FBXO21: variants seen among roughly 807,000 people sequenced by gnomAD.
FBXO21 encodes F-box only protein 21.
A neutral mutation model predicts 76.6 loss-of-function variants in FBXO21; 32 were observed. That is an observed-to-expected ratio of 0.42 (90% confidence interval 0.32 to 0.56). FBXO21 has a LOEUF of 0.56. FBXO21 is among the 20% of genes least tolerant of loss of function. The pLI is 0.16. For missense variants in FBXO21, 586 were observed against 797.3 expected (o/e 0.73, Z 3.19); for synonymous variants, 328 against 311.5 (o/e 1.05, Z -0.56).
rs1173298802 is a variant in FBXO21, at chr12:117,174,817, A to G, written c.593-20T>C. 3 of 1,605,434 alleles carry G rather than the reference A, an allele frequency of 1.9e-6. No homozygotes were observed. In the African/African-American group the frequency reaches 4.0e-5, roughly 21 times the overall value. ...CAGCACCTGAAAATGAACAAGAATT[A>G]CCGAATAAATTCTCACGTTACCCTT... On this transcript the variant is annotated intron_variant, in intron 4 of 11. Transcript: ENST00000622495.
rs1311972517 is a variant in FBXO21, at chr12:117,142,553, G to A, written c.*3534C>T. Reference sequence around the variant, plus strand: ...CAAAGACTTTATTAGGCCAGTGCCCGGCTCAAAGTTAGCATGCCACACAAA... The same window carrying A: ...CAAAGACTTTATTAGGCCAGTGCCCAGCTCAAAGTTAGCATGCCACACAAA... On this transcript the variant is annotated 3_prime_UTR_variant, in exon 12 of 12. Transcript: ENST00000622495. The A allele has an allele frequency of 5.3e-5, 8 of 151,896 alleles. No individual in the cohort carries two copies. Among genetic ancestry groups the A allele is most frequent in the Non-Finnish European group, 1.0e-4 (7 of 68,012 alleles). The allele number at this position is 151,896 out of a possible 1,614,324, so 9.4% of individuals were successfully genotyped here.
At chr12:117,148,001 T>G (rs1955797894) in intron 11 of FBXO21, among the ~76,000 whole-genome samples, 1 of 152,216 alleles carries the variant, frequency 6.6e-6, no homozygotes, top group Non-Finnish European at 1.5e-5. Flanking sequence ...CTATTATTTC[T>G]TAAACAGCTG....
rs563466176 is a variant in FBXO21 at position 117,147,287 on chromosome 12, A to T, written c.1676-1010T>A. ...AGAAATAGAAAATAAGACTGAAAAA[A>T]TGGAAAAAAAAAAAAAAAAAGAAAA... On this transcript the variant is annotated intron_variant, in intron 11 of 11. Coordinates refer to ENST00000622495, the MANE Select transcript of FBXO21 (RefSeq NM_015002.3). 1.2e-3 allele frequency among the ~76,000 whole-genome samples: 143 copies of T among 123,164 alleles called. 2 individuals are homozygous for T. Among genetic ancestry groups the T allele is most frequent in the African/African-American group, 4.7e-3 (139 of 29,622 alleles). 80.8% of individuals were successfully genotyped at this position (123,164 alleles called of 152,430 possible).
chr12:117,169,731 T>TA (rs1956097407), intron 7 of FBXO21, among the ~76,000 whole-genome samples: 1 of 152,296 alleles, frequency 6.6e-6, no homozygotes, highest in African/African-American at 2.4e-5. Context: ...GGCCTTGAAC[T>TA]ACTGGGCTCA....
chr12:117,151,231 G>C (rs1955839007), intron 11 of FBXO21, among the ~76,000 whole-genome samples: 1 of 152,110 alleles, frequency 6.6e-6, no homozygotes, highest in Non-Finnish European at 1.5e-5. Flanking sequence ...TCCAGAAGGA[G>C]GCGGGACAGG....
At chr12:117,173,993 A>G (rs1956145817) in intron 6 of FBXO21, among the ~76,000 whole-genome samples, 1 of 152,104 alleles carries the variant, frequency 6.6e-6, no homozygotes, top group Non-Finnish European at 1.5e-5. Context: ...AAAATAAAAA[A>G]TTAGCCGGGT....
At chr12:117,161,546 G>A (rs1431827016) in intron 9 of FBXO21, among the ~76,000 whole-genome samples, 1 of 152,172 alleles carries the variant, frequency 6.6e-6, no homozygotes, top group Non-Finnish European at 1.5e-5. Context: ...TCAGAGTCCA[G>A]AGAGGGAGGA....
In FBXO21 at chr12:117,174,185, A is replaced by G; in HGVS notation, c.876+20T>C. ...TATACCTATATTACTATACCCATAT[A>G]TTACTGTACCTATATTTACCTGATG... On this transcript the variant is annotated intron_variant, in intron 6 of 11. Coordinates refer to ENST00000622495, the MANE Select transcript of FBXO21 (RefSeq NM_015002.3). 2 of 1,587,632 alleles carry G rather than the reference A, an allele frequency of 1.3e-6. No homozygotes were observed. Among genetic ancestry groups the G allele is most frequent in the South Asian group, 2.2e-5 (2 of 90,538 alleles).
At position 117,145,236 on chromosome 12, in the gene FBXO21, T is replaced by C. The variant is rs947723300; in HGVS notation, c.*851A>G. 6 of 152,064 alleles carry C rather than the reference T, an allele frequency of 3.9e-5. No homozygotes were observed. Among genetic ancestry groups the C allele is most frequent in the African/African-American group, 7.2e-5 (3 of 41,416 alleles). The allele number at this position is 152,064 out of a possible 1,614,324, so 9.4% of individuals were successfully genotyped here. A position where few individuals can be genotyped will look rare whatever the true frequency, so the allele number is the denominator to read the frequency against. On this transcript the variant is annotated 3_prime_UTR_variant, in exon 12 of 12. Coordinates refer to ENST00000622495, the MANE Select transcript of FBXO21 (RefSeq NM_015002.3). ...AACCCATCACTGATGTAAGACCTAC[T>C]CATGATACTGAAGTAGATTTTTTAA...
intron 11 of FBXO21, among the ~76,000 whole-genome samples, chr12:117,148,195 G>T (rs1268760959): frequency 2.6e-5 from 4 of 152,144 alleles, no homozygotes; most frequent in African/African-American, 9.7e-5. Context: ...AGGAGCTGAA[G>T]AAATGTGAGA....
At chr12:117,148,369 A>G (rs1029319359) in intron 11 of FBXO21, among the ~76,000 whole-genome samples, 1 of 152,244 alleles carries the variant, frequency 6.6e-6, no homozygotes, top group African/African-American at 2.4e-5. Flanking sequence ...AGAGCAGTGT[A>G]AACGTCCAAG....
intron 3 of FBXO21, 46 bp downstream of exon 3, chr12:117,186,431 C>G: frequency 1.6e-6 from 2 of 1,268,576 alleles, no homozygotes; most frequent in Non-Finnish European, 2.3e-6. Flanking sequence ...GCAATTTACT[C>G]TGGACTTATT....
At chr12:117,148,822 C>T (rs950320878) in intron 11 of FBXO21, among the ~76,000 whole-genome samples, 3 of 152,196 alleles carry the variant, frequency 2.0e-5, no homozygotes, top group African/African-American at 7.2e-5. Context: ...CGCTCCAGCC[C>T]ACATTAACAC....
At chr12:117,167,643 AGG>A (rs1244570659) in intron 7 of FBXO21, among the ~76,000 whole-genome samples, 1 of 151,948 alleles carries the variant, frequency 6.6e-6, no homozygotes, top group Non-Finnish European at 1.5e-5. Context: ...CGGGAGGCTG[AGG>A]CAGAAGAATG....
chr12:117,176,442 A>G (rs886558204), intron 4 of FBXO21, among the ~76,000 whole-genome samples: 1 of 152,224 alleles, frequency 6.6e-6, no homozygotes, highest in Non-Finnish European at 1.5e-5. Context: ...CCTGGAGAGT[A>G]CGGAGCAAAG....
intron 11 of FBXO21, among the ~76,000 whole-genome samples, chr12:117,150,771 CCT>C (rs1955827953): frequency 6.6e-6 from 1 of 152,144 alleles, no homozygotes; most frequent in Non-Finnish European, 1.5e-5. Context: ...GCCAAAGCAT[CCT>C]CTGACATGTT....
intron 11 of FBXO21, among the ~76,000 whole-genome samples, chr12:117,149,735 C>T (rs1403520149): frequency 6.6e-6 from 1 of 152,212 alleles, no homozygotes; most frequent in Non-Finnish European, 1.5e-5. Flanking sequence ...AGCATTGTTC[C>T]CTTCTCCTCC....
At position 117,142,750 on chromosome 12, in the gene FBXO21, C is replaced by T. The variant is rs1213520944; in HGVS notation, c.*3337G>A. 1 of 149,906 alleles carries T rather than the reference C, an allele frequency of 6.7e-6. No individual in the cohort carries two copies. The highest frequency in any genetic ancestry group is 1.5e-5 in the Non-Finnish European group (1 of 67,738). The allele number at this position is 149,906 out of a possible 1,614,324, so 9.3% of individuals were successfully genotyped here. A position where few individuals can be genotyped will look rare whatever the true frequency, so the allele number is the denominator to read the frequency against. ...TTGATCATCATGGACAGATACTTTTCAGTTAAAAAGTTGCTGGTAGTCTGA... is the reference window on the plus strand; with the variant it reads ...TTGATCATCATGGACAGATACTTTTTAGTTAAAAAGTTGCTGGTAGTCTGA... On this transcript the variant is annotated 3_prime_UTR_variant, in exon 12 of 12. Coordinates refer to ENST00000622495, the MANE Select transcript of FBXO21 (RefSeq NM_015002.3).
At chr12:117,189,446 A>G in intron 1 of FBXO21, 84 bp from the exon 2 acceptor site, 1 of 1,505,160 alleles carries the variant, frequency 6.6e-7, no homozygotes, top group Non-Finnish European at 9.2e-7. Context: ...GGAAACAGGG[A>G]CAGCAGTGGC....
Sources: gnomAD v4.1 joint callset for allele counts (sites outside exome capture counted in the v4.1 genomes callset) on GRCh38, gnomAD v4.1.1 for gene constraint, MANE v1.5 for transcripts, NCBI Gene and HGNC (gene_info 2026-07-23, HGNC 2026-07-21) for gene names.